The following ZCCHC7 variants were observed in gnomAD, a reference collection of about 807,000 sequenced individuals.
The protein encoded by ZCCHC7 is zinc finger CCHC domain-containing protein 7.
ZCCHC7 carries 35 observed loss-of-function variants against 52.0 expected under a neutral mutation model. The ratio of observed to expected loss-of-function variants is 0.67; its 90% confidence interval spans 0.51 to 0.89. ZCCHC7 has a LOEUF of 0.89. Among genes scored for constraint, ZCCHC7 ranks in the 40% least tolerant of loss-of-function variants. ZCCHC7 has a pLI of 0.00. For synonymous variants in ZCCHC7, 217 were observed against 221.5 expected (o/e 0.98, Z 0.18); for missense variants, 574 against 649.1 (o/e 0.88, Z 1.26).
chr9:37,151,069 A>C (rs961363835), intron 2 of ZCCHC7, among the ~76,000 whole-genome samples: 6 of 148,210 alleles, frequency 4.0e-5, no homozygotes, highest in Non-Finnish European at 7.4e-5. Context: ...GGTTTACGCC[A>C]TTCTCCTGCC....
chr9:37,218,747 T>C (rs1824649796), intron 2 of ZCCHC7, among the ~76,000 whole-genome samples: 1 of 152,126 alleles, frequency 6.6e-6, no homozygotes, highest in African/African-American at 2.4e-5. Flanking sequence ...AGATAGAGGT[T>C]GCAGTGAGCC....
intron 2 of ZCCHC7, among the ~76,000 whole-genome samples, chr9:37,234,373 A>G (rs1237387832): frequency 6.6e-6 from 1 of 152,234 alleles, no homozygotes; most frequent in African/African-American, 2.4e-5. Context: ...CCATGTCCTT[A>G]ACACCTATGT....
chr9:37,155,721 G>C (rs17487004), intron 2 of ZCCHC7, among the ~76,000 whole-genome samples: 12,978 of 152,158 alleles, frequency 0.085, 761 homozygotes, highest in Middle Eastern at 0.15. Context: ...AAATTTCAGA[G>C]TCCTATTCAT....
At chr9:37,323,177 T>G (rs564497124) in intron 5 of ZCCHC7, among the ~76,000 whole-genome samples, 3 of 152,188 alleles carry the variant, frequency 2.0e-5, no homozygotes, top group Non-Finnish European at 2.9e-5. Flanking sequence ...AGCTGCTACA[T>G]TATCATGCTA....
chr9:37,132,023 A>C (rs1842806291), intron 2 of ZCCHC7, among the ~76,000 whole-genome samples: 1 of 151,998 alleles, frequency 6.6e-6, no homozygotes, highest in South Asian at 2.1e-4. Context: ...ATTCTTTCCT[A>C]AGCCTTCTTT....
chr9:37,225,579 G>T (rs1477991626), intron 2 of ZCCHC7, among the ~76,000 whole-genome samples: 3 of 152,094 alleles, frequency 2.0e-5, no homozygotes, highest in Non-Finnish European at 2.9e-5. Flanking sequence ...TATATTAAAA[G>T]ATTAATATGT....
Position 37,150,965 on chromosome 9 carries a change from TG to T in ZCCHC7, c.610+24024del, listed in dbSNP as rs1422257776. Reference sequence around the variant, plus strand: ...CTTTTCTATTTCTGTGGGGTTTTTTTGTTTTTTTTTTTTTTTTGAGACGGAG... The same window carrying T: ...CTTTTCTATTTCTGTGGGGTTTTTTTTTTTTTTTTTTTTTTTGAGACGGAG... On this transcript the variant is annotated intron_variant, in intron 2 of 8. Coordinates refer to ENST00000336755, the MANE Select transcript of ZCCHC7 (RefSeq NM_032226.3). Among the ~76,000 whole-genome samples, 7 of 147,998 alleles carry T rather than the reference TG, an allele frequency of 4.7e-5. No homozygotes were observed. In the East Asian group the frequency reaches 9.7e-4, roughly 20 times the overall value.
chr9:37,161,177 T>C (rs1821081351), intron 2 of ZCCHC7, among the ~76,000 whole-genome samples: 1 of 152,016 alleles, frequency 6.6e-6, no homozygotes, highest in Admixed American at 6.5e-5. Flanking sequence ...CTTGAACTCC[T>C]GACCTCAAGT....
At chr9:37,322,645 A>C (rs1564254084) in intron 5 of ZCCHC7, among the ~76,000 whole-genome samples, 1 of 149,898 alleles carries the variant, frequency 6.7e-6, no homozygotes, top group Non-Finnish European at 1.5e-5. Context: ...TGAATGTAAA[A>C]ATAGGTACAT....
At chr9:37,295,337 G>C (rs985319672) in intron 2 of ZCCHC7, among the ~76,000 whole-genome samples, 1 of 152,168 alleles carries the variant, frequency 6.6e-6, no homozygotes, top group African/African-American at 2.4e-5. Context: ...GCCAAATCAT[G>C]AAAGTAAAGG....
At chr9:37,326,873 G>A (rs78732879) in intron 5 of ZCCHC7, 1 of 151,822 alleles carries the variant, frequency 6.6e-6, no homozygotes, top group African/African-American at 2.4e-5. Flanking sequence ...ATTTCCATTC[G>A]CTTTTAAGAA....
At chr9:37,336,192 T>C (rs911680946) in intron 6 of ZCCHC7, among the ~76,000 whole-genome samples, 2 of 152,118 alleles carry the variant, frequency 1.3e-5, no homozygotes, top group Non-Finnish European at 2.9e-5. Context: ...CATAGCAAAA[T>C]GTAGTGGTAT....
intron 2 of ZCCHC7, among the ~76,000 whole-genome samples, chr9:37,188,108 A>G (rs942988834): frequency 1.3e-5 from 2 of 152,082 alleles, no homozygotes; most frequent in African/African-American, 4.8e-5. Context: ...AGACCTCTTG[A>G]TAACTATTGT....
intron 5 of ZCCHC7, chr9:37,327,371 A>G (rs1830288468): frequency 6.4e-6 from 1 of 155,904 alleles, no homozygotes; most frequent in African/African-American, 2.4e-5. Context: ...ACAAATATGT[A>G]ATAACAGTGA....
chr9:37,328,297 G>A (rs765039387), intron 6 of ZCCHC7, among the ~76,000 whole-genome samples: 3 of 151,984 alleles, frequency 2.0e-5, no homozygotes, highest in Non-Finnish European at 4.4e-5. Context: ...TAATTCAACT[G>A]TCATATCCTT....
At chr9:37,337,389 C>A in intron 6 of ZCCHC7, among the ~76,000 whole-genome samples, 1 of 26,092 alleles carries the variant, frequency 3.8e-5, no homozygotes. Context: ...TCCCACCCCA[C>A]CCTACCCACC....
chr9:37,202,395 A>G (rs1823679304), intron 2 of ZCCHC7, among the ~76,000 whole-genome samples: 1 of 152,240 alleles, frequency 6.6e-6, no homozygotes, highest in South Asian at 2.1e-4. Flanking sequence ...AACCAAAGGG[A>G]AACATAATGA....
intron 2 of ZCCHC7, among the ~76,000 whole-genome samples, chr9:37,239,813 A>G (rs756472778): frequency 6.6e-6 from 1 of 152,106 alleles, no homozygotes; most frequent in Non-Finnish European, 1.5e-5. Flanking sequence ...TTTTAACTGC[A>G]CTGTGCTTTA....
At chr9:37,292,126 G>GT (rs1828567425) in intron 2 of ZCCHC7, among the ~76,000 whole-genome samples, 1 of 152,222 alleles carries the variant, frequency 6.6e-6, no homozygotes, top group African/African-American at 2.4e-5. Flanking sequence ...TTTCAGGTAT[G>GT]TTTATGGAAT....
Sources: allele counts gnomAD v4.1 joint callset (sites outside exome capture counted in the v4.1 genomes callset), GRCh38; gene constraint gnomAD v4.1.1; transcripts MANE v1.5; gene names NCBI Gene and HGNC (gene_info 2026-07-23, HGNC 2026-07-21).